Variants in SLC25A37 observed in about 807,000 individuals in gnomAD.
SLC25A37 encodes solute carrier family 25 member 37.
In SLC25A37, 17 loss-of-function variants were observed where a neutral mutation model predicts 31.0. The ratio of observed to expected loss-of-function variants is 0.55; its 90% CI spans 0.38 to 0.82. The LOEUF is 0.82. Among genes scored for constraint, SLC25A37 ranks in the 40% least tolerant of loss-of-function variants. The pLI is 0.00. For missense variants in SLC25A37, 404 were observed against 465.8 expected (o/e 0.87, Z 1.22); for synonymous variants, 222 against 193.0 (o/e 1.15, Z -1.24).
rs532570756 is a variant in SLC25A37, at chr8:23,565,302, T to A, written c.211-806T>A. Among the ~76,000 whole-genome samples the A allele has an allele frequency of 9.2e-5, 14 of 152,286 alleles. 1 individual carries two copies. The East Asian group carries it at 2.7e-3, about 29-fold the overall frequency. On this transcript the variant is annotated intron_variant, in intron 1 of 3. Transcript: ENST00000519973. ...GCTCATCCAGGCTGACCCATAAAAT[T>A]AACCATCACACCTGTGCAAGCGCTT... is the stretch of plus-strand genomic sequence containing the variant.
chr8:23,544,643 T>C (rs1801988195), intron 1 of SLC25A37, among the ~76,000 whole-genome samples: 1 of 152,152 alleles, frequency 6.6e-6, no homozygotes, highest in African/African-American at 2.4e-5. Context: ...TCTCAGTATC[T>C]CTATCTAGAC....
rs1802903917 is a variant in SLC25A37, at chr8:23,573,065, T to G, written c.*1210T>G. 1 of 152,266 alleles carries G rather than the reference T, an allele frequency of 6.6e-6. No homozygotes were observed. The highest frequency in any genetic ancestry group is 1.5e-5 in the Non-Finnish European group (1 of 68,092). The allele number at this position is 152,266 out of a possible 1,614,324, so 9.4% of individuals were successfully genotyped here. A position where few individuals can be genotyped will look rare whatever the true frequency, so the allele number is the denominator to read the frequency against. ...TTTCCCTGTGCAGTCTAGGGAAGCA[T>G]GTCTCCAGTCTTTGTCCCTGTCTTG... On this transcript the variant is annotated 3_prime_UTR_variant, in exon 4 of 4. Transcript: ENST00000519973.
In SLC25A37 at chr8:23,532,770, C is replaced by G. The variant is rs142699864; in HGVS notation, c.210+3558C>G. On this transcript the variant is annotated intron_variant, in intron 1 of 3. Coordinates refer to ENST00000519973, the MANE Select transcript of SLC25A37 (RefSeq NM_016612.4). ...CTTATGGTGTGCACAGCCAGCCTGC[C>G]CAGCTCAGCAGAGCATTACCTCAAC... Among the ~76,000 whole-genome samples, 3 of 152,294 alleles carry G rather than the reference C, an allele frequency of 2.0e-5. No homozygotes were observed. The East Asian group carries it at 5.8e-4, about 29-fold the overall frequency.
chr8:23,550,554 C>T (rs1033696877), intron 1 of SLC25A37, among the ~76,000 whole-genome samples: 3 of 152,248 alleles, frequency 2.0e-5, no homozygotes, highest in Non-Finnish European at 4.4e-5. Flanking sequence ...GCTGGGAGGA[C>T]CACACCTGGC....
chr8:23,556,185 G>A (rs146554451), intron 1 of SLC25A37, among the ~76,000 whole-genome samples: 86 of 151,892 alleles, frequency 5.7e-4, no homozygotes, highest in African/African-American at 2.0e-3. Context: ...CTACTTTTAG[G>A]GGAATCATTT....
At chr8:23,550,276 A>G (rs1201126259) in intron 1 of SLC25A37, among the ~76,000 whole-genome samples, 1 of 101,902 alleles carries the variant, frequency 9.8e-6, no homozygotes, top group Non-Finnish European at 1.7e-5. Context: ...CGTGGTAGTC[A>G]TTTATTGAGC....
intron 1 of SLC25A37, among the ~76,000 whole-genome samples, chr8:23,548,521 A>C (rs1051173467): frequency 1.4e-4 from 19 of 136,728 alleles, no homozygotes; most frequent in Non-Finnish European, 2.7e-4. Context: ...CCCAGGATGG[A>C]GTGCAGTGGC....
chr8:23,571,373 C>G lies in SLC25A37; in HGVS notation c.535C>G (p.Arg179Gly), dbSNP rs752959512. ...QRLQMYNSQH[R>G]SAISCIRTVW... ...CTTGCAGATGTACAACTCGCAGCAC[C>G]GGTCAGCAATCAGCTGCATCCGGAC... The change falls in exon 4 of 4, where the codon CGG becomes GGG. Residue 179 changes from arginine to glycine, a missense_variant. Transcript: ENST00000519973. 5 of 1,608,618 alleles carry G rather than the reference C, an allele frequency of 3.1e-6. No homozygotes were observed. In the East Asian group the frequency reaches 1.1e-4, roughly 36 times the overall value.
At chr8:23,550,459 T>C (rs2117418875) in intron 1 of SLC25A37, among the ~76,000 whole-genome samples, 1 of 152,342 alleles carries the variant, frequency 6.6e-6, no homozygotes, top group Non-Finnish European at 1.5e-5. Context: ...TAAAAATCCC[T>C]TCTTCTGTGG....
intron 1 of SLC25A37, among the ~76,000 whole-genome samples, chr8:23,539,281 G>T (rs1801841671): frequency 6.8e-6 from 1 of 147,230 alleles, no homozygotes; most frequent in African/African-American, 2.7e-5. Context: ...GTCACTGAGG[G>T]AACTTCTTCC....
chr8:23,543,869 T>G (rs927227033), intron 1 of SLC25A37, among the ~76,000 whole-genome samples: 1 of 151,856 alleles, frequency 6.6e-6, no homozygotes, highest in Admixed American at 6.6e-5. Flanking sequence ...GTACTTTTTT[T>G]TTGTTATTGA....
intron 1 of SLC25A37, among the ~76,000 whole-genome samples, chr8:23,543,806 G>C (rs796848337): frequency 1.7e-4 from 26 of 151,944 alleles, no homozygotes; most frequent in African/African-American, 5.8e-4. Flanking sequence ...AAGATGCTGG[G>C]ATTACAGGCG....
intron 1 of SLC25A37, among the ~76,000 whole-genome samples, chr8:23,557,918 C>G (rs1228581127): frequency 6.6e-6 from 1 of 152,206 alleles, no homozygotes; most frequent in African/African-American, 2.4e-5. Context: ...TTTCCTTTCT[C>G]TGGGAGAAAG....
chr8:23,566,389 C>T (rs748869247), intron 2 of SLC25A37, 53 bp downstream of exon 2: 1 of 1,565,966 alleles, frequency 6.4e-7, no homozygotes, highest in African/African-American at 1.4e-5. Context: ...TCAACACGTC[C>T]CTCCCCAGGG....
chr8:23,546,641 C>T (rs1802074356), intron 1 of SLC25A37, among the ~76,000 whole-genome samples: 1 of 139,876 alleles, frequency 7.1e-6, no homozygotes, highest in Non-Finnish European at 1.5e-5. Context: ...TATATTTGGG[C>T]CAGGAAGGGT....
At chr8:23,534,712 T>C (rs1026924472) in intron 1 of SLC25A37, among the ~76,000 whole-genome samples, 2 of 152,206 alleles carry the variant, frequency 1.3e-5, no homozygotes, top group African/African-American at 4.8e-5. Flanking sequence ...TTCTGTGCTA[T>C]TTCCCTATCT....
At chr8:23,556,574 A>G (rs1393817990) in intron 1 of SLC25A37, among the ~76,000 whole-genome samples, 1 of 151,914 alleles carries the variant, frequency 6.6e-6, no homozygotes, top group East Asian at 1.9e-4. Flanking sequence ...ATGTATGTAT[A>G]TACATATGTA....
At chr8:23,566,464 G>C (rs755693453) in intron 2 of SLC25A37, 128 bp downstream of exon 2, 94 of 1,477,496 alleles carry the variant, frequency 6.4e-5, no homozygotes, top group Non-Finnish European at 8.1e-5. Context: ...AGAACTCAGA[G>C]TTGTGTGTGC....
chr8:23,552,267 T>C (rs1333960219), intron 1 of SLC25A37, among the ~76,000 whole-genome samples: 1 of 152,248 alleles, frequency 6.6e-6, no homozygotes, highest in African/African-American at 2.4e-5. Flanking sequence ...ATTGAGTACC[T>C]ACTGTACTCC....
Sources: allele counts gnomAD v4.1 joint callset (sites outside exome capture counted in the v4.1 genomes callset), GRCh38; gene constraint gnomAD v4.1.1; transcripts MANE v1.5; gene names NCBI Gene and HGNC (gene_info 2026-07-23, HGNC 2026-07-21).